The following CNTN5 variants were observed in gnomAD, a reference collection of about 807,000 sequenced individuals.
CNTN5 encodes the protein contactin 5, also known as contactin-5.
In CNTN5, 77 loss-of-function variants were observed where a neutral mutation model predicts 129.1. The ratio of observed to expected loss-of-function variants is 0.60; its 90% CI spans 0.50 to 0.72. The LOEUF (loss-of-function observed/expected upper bound fraction) is 0.72. CNTN5 is among the 30% of genes least tolerant of loss of function. The pLI is 0.00. For synonymous variants in CNTN5, 509 were observed against 465.6 expected, an observed-to-expected ratio of 1.09 and a Z score of -1.20; for missense variants, 1,478 against 1,328.8, an observed-to-expected ratio of 1.11 and a Z score of -1.75.
chr11:99,937,389 A>G lies in CNTN5; in HGVS notation c.674-19417A>G, dbSNP rs572964359. 2.6e-5 allele frequency among the ~76,000 whole-genome samples: 4 copies of G among 152,346 alleles called. No homozygotes were observed. The South Asian group carries it at 8.3e-4, about 32-fold the overall frequency. ...ACAAGCATCGAAAATGAGTGCCGTT[A>G]GACATGGTGGATCATTCACTGGAAC... On this transcript the variant is annotated intron_variant, in intron 7 of 24. Coordinates refer to ENST00000524871, the MANE Select transcript of CNTN5 (RefSeq NM_014361.4).
chr11:99,050,279 A>T (rs1435876317), intron 1 of CNTN5, among the ~76,000 whole-genome samples: 1 of 152,080 alleles, frequency 6.6e-6, no homozygotes, highest in Admixed American at 6.6e-5. Context: ...TACATAATAT[A>T]ATTTGAAAGG....
At chr11:99,187,294 G>C (rs989145519) in intron 1 of CNTN5, among the ~76,000 whole-genome samples, 2 of 151,636 alleles carry the variant, frequency 1.3e-5, no homozygotes, top group Non-Finnish European at 1.5e-5. Flanking sequence ...TTAACATAAA[G>C]AGAAGTCTGC....
At chr11:99,057,257 A>G (rs1864660086) in intron 1 of CNTN5, among the ~76,000 whole-genome samples, 1 of 152,034 alleles carries the variant, frequency 6.6e-6, no homozygotes, top group African/African-American at 2.4e-5. Context: ...TCTTCTTCCA[A>G]TGTCTTGCCT....
intron 1 of CNTN5, among the ~76,000 whole-genome samples, chr11:99,083,215 A>C (rs1241957422): frequency 6.6e-6 from 1 of 152,104 alleles, no homozygotes; most frequent in African/African-American, 2.4e-5. Context: ...CCCATCAGTT[A>C]AATTTGGATA....
intron 2 of CNTN5, among the ~76,000 whole-genome samples, chr11:99,481,410 T>G (rs1171283384): frequency 6.6e-6 from 1 of 152,160 alleles, no homozygotes; most frequent in Non-Finnish European, 1.5e-5. Context: ...TTGTTTTTGT[T>G]CTGTTTTTCT....
intron 10 of CNTN5, among the ~76,000 whole-genome samples, chr11:100,068,554 A>C (rs1943782366): frequency 1.3e-5 from 2 of 152,194 alleles, no homozygotes; most frequent in African/African-American, 4.8e-5. Context: ...AGATTAGTAA[A>C]GTTTACAGAA....
chr11:100,089,613 C>A (rs1219380607), intron 13 of CNTN5, among the ~76,000 whole-genome samples: 1 of 152,116 alleles, frequency 6.6e-6, no homozygotes, highest in Non-Finnish European at 1.5e-5. Flanking sequence ...CCTTGCAACA[C>A]TATTCACAAT....
chr11:99,180,836 A>C (rs1193406572), intron 1 of CNTN5, among the ~76,000 whole-genome samples: 1 of 152,226 alleles, frequency 6.6e-6, no homozygotes, highest in Non-Finnish European at 1.5e-5. Context: ...CTTTGCAAGG[A>C]GAGTCATATT....
intron 8 of CNTN5, among the ~76,000 whole-genome samples, chr11:99,999,037 TA>T (rs1373447740): frequency 2.0e-5 from 3 of 152,034 alleles, no homozygotes; most frequent in Admixed American, 6.6e-5. Flanking sequence ...ACGTTAGACC[TA>T]AAACCATAAA....
intron 1 of CNTN5, among the ~76,000 whole-genome samples, chr11:99,243,436 T>C (rs1021264766): frequency 1.3e-5 from 2 of 152,090 alleles, no homozygotes; most frequent in Non-Finnish European, 2.9e-5. Context: ...ATTGTTTCTT[T>C]TGCTGTGCAG....
At chr11:100,253,747 A>C (rs187388806) in intron 16 of CNTN5, among the ~76,000 whole-genome samples, 203 of 152,252 alleles carry the variant, frequency 1.3e-3, no homozygotes, top group Middle Eastern at 6.8e-3. Context: ...AGTGGCTTCA[A>C]CATTGATATT....
chr11:100,074,193 T>C lies in CNTN5; in HGVS notation c.1479T>C (p.Val493=), dbSNP rs543154019. ...ATCAACTGAAGAAAACAATAATTGT[T>C]ACCAAAGACCAAGAAGTTGTCATAG... ...ALNQLKKTII[V]TKDQEVVIEC... is the part of the protein sequence containing the mutation. The change falls in exon 13 of 25, where the codon GTT becomes GTC. Residue 493 remains valine (V), a synonymous_variant. Transcript: ENST00000524871. The C allele has an allele frequency of 6.2e-7, 1 of 1,612,670 alleles. No individual in the cohort carries two copies. The highest frequency in any genetic ancestry group is 1.3e-5 in the African/African-American group (1 of 74,998).
chr11:99,870,906 C>T (rs976835408), intron 6 of CNTN5, among the ~76,000 whole-genome samples: 7 of 151,906 alleles, frequency 4.6e-5, no homozygotes, highest in Non-Finnish European at 8.8e-5. Flanking sequence ...ACATTGAAAG[C>T]GAATATATTT....
chr11:100,192,967 A>G (rs1948535328), intron 14 of CNTN5, among the ~76,000 whole-genome samples: 1 of 151,986 alleles, frequency 6.6e-6, no homozygotes, highest in South Asian at 2.1e-4. Context: ...AGTGTAAAGC[A>G]AATACAAGGT....
intron 2 of CNTN5, among the ~76,000 whole-genome samples, chr11:99,534,929 A>G (rs1168980158): frequency 2.6e-5 from 4 of 152,178 alleles, no homozygotes; most frequent in Non-Finnish European, 4.4e-5. Context: ...TATGTTGGAA[A>G]GGAGCTGGTT....
chr11:100,311,340 C>A (rs1951469241), intron 21 of CNTN5, among the ~76,000 whole-genome samples: 1 of 151,914 alleles, frequency 6.6e-6, no homozygotes, highest in African/African-American at 2.4e-5. Context: ...AGATGAGGAA[C>A]TCACAAAGAA....
chr11:99,820,315 C>T (rs1420520126), intron 4 of CNTN5, among the ~76,000 whole-genome samples: 15 of 152,402 alleles, frequency 9.8e-5, no homozygotes, highest in African/African-American at 3.6e-4. Flanking sequence ...AAACATAAAA[C>T]AGACCTATCC....
At chr11:100,236,546 A>G (rs1440152441) in intron 16 of CNTN5, among the ~76,000 whole-genome samples, 1 of 152,118 alleles carries the variant, frequency 6.6e-6, no homozygotes, top group Non-Finnish European at 1.5e-5. Context: ...GCTTCACATG[A>G]CCTGGCTCTC....
At chr11:99,388,691 C>T (rs1035035990) in intron 2 of CNTN5, among the ~76,000 whole-genome samples, 14 of 152,196 alleles carry the variant, frequency 9.2e-5, no homozygotes, top group African/African-American at 1.4e-4. Flanking sequence ...AGAAAGAACA[C>T]GAAACTTTTT....
Sources: gnomAD v4.1 joint callset for allele counts (sites outside exome capture counted in the v4.1 genomes callset) on GRCh38, gnomAD v4.1.1 for gene constraint, MANE v1.5 for transcripts, NCBI Gene and HGNC (gene_info 2026-07-23, HGNC 2026-07-21) for gene names.